Variants in DCC observed in about 807,000 individuals in gnomAD.
The protein encoded by DCC is DCC netrin 1 receptor, also known as netrin receptor DCC.
DCC carries 58 observed loss-of-function variants against 172.5 expected under a neutral mutation model. The observed-to-expected ratio is 0.34, with a 90% CI of 0.27 to 0.42. The LOEUF (loss-of-function observed/expected upper bound fraction) is 0.42, where lower values mean the gene tolerates loss of function less well. DCC is among the 10% of genes least tolerant of loss of function. The probability of loss-of-function intolerance (pLI) is 1.00; values close to 1 mark genes in which losing one functional copy is unlikely to be tolerated. For missense variants in DCC, 1,740 were observed against 1,791.0 expected (o/e 0.97, Z 0.51); for synonymous variants, 709 against 644.5 (o/e 1.10, Z -1.52).
chr18:52,652,261 C>CA (rs2035147306), intron 1 of DCC, among the ~76,000 whole-genome samples: 1 of 152,096 alleles, frequency 6.6e-6, no homozygotes, highest in South Asian at 2.1e-4. Flanking sequence ...GGAACATGCC[C>CA]ATGGGCACTT....
intron 8 of DCC, among the ~76,000 whole-genome samples, chr18:53,176,350 C>G (rs1422610190): frequency 1.5e-5 from 2 of 136,484 alleles, no homozygotes; most frequent in African/African-American, 2.8e-5. Flanking sequence ...AACTAAAGAG[C>G]TTCTGCACAG....
At chr18:53,502,627 AT>A (rs1046695667) in intron 27 of DCC, among the ~76,000 whole-genome samples, 66 of 152,272 alleles carry the variant, frequency 4.3e-4, no homozygotes, top group African/African-American at 1.6e-3. Context: ...TTTAAAAAAA[AT>A]ACCTCAAATA....
At chr18:53,062,254 A>T (rs1266782507) in intron 5 of DCC, among the ~76,000 whole-genome samples, 7 of 152,098 alleles carry the variant, frequency 4.6e-5, no homozygotes, top group African/African-American at 1.7e-4. Context: ...CAAAGATTGG[A>T]CATTAGCTTT....
chr18:53,252,081 G>A (rs1334742867), intron 12 of DCC, among the ~76,000 whole-genome samples: 1 of 151,810 alleles, frequency 6.6e-6, no homozygotes, highest in African/African-American at 2.4e-5. Context: ...AATCAATCAA[G>A]ATAGGATCTA....
At chr18:52,957,645 G>A (rs188870569) in intron 5 of DCC, among the ~76,000 whole-genome samples, 2 of 152,232 alleles carry the variant, frequency 1.3e-5, no homozygotes, top group Admixed American at 1.3e-4. Flanking sequence ...AACAGAGGAA[G>A]GCTCTCTCAC....
chr18:53,236,127 T>G (rs1447963921), intron 12 of DCC, among the ~76,000 whole-genome samples: 1 of 152,112 alleles, frequency 6.6e-6, no homozygotes, highest in African/African-American at 2.4e-5. Context: ...AATCAGAATT[T>G]AGATGTATGT....
chr18:52,610,415 A>G (rs1186795128), intron 1 of DCC, among the ~76,000 whole-genome samples: 1 of 141,728 alleles, frequency 7.1e-6, no homozygotes, highest in East Asian at 2.0e-4. Context: ...AAAGAAAAAG[A>G]AAAAGAAAAA....
intron 8 of DCC, among the ~76,000 whole-genome samples, chr18:53,174,358 A>G (rs1212629761): frequency 6.6e-6 from 1 of 151,526 alleles, no homozygotes; most frequent in East Asian, 1.9e-4. Context: ...ATAGAGACAC[A>G]AAAAACCCTT....
chr18:52,998,641 T>C (rs1428745042), intron 5 of DCC, among the ~76,000 whole-genome samples: 1 of 152,070 alleles, frequency 6.6e-6, no homozygotes, highest in African/African-American at 2.4e-5. Context: ...GACCAATGTT[T>C]GAGCAACTTT....
rs186693965 is a variant in DCC, at chr18:53,104,162, G to C, written c.1261+37996G>C. Among the ~76,000 whole-genome samples, 3 of 152,066 alleles carry C rather than the reference G, an allele frequency of 2.0e-5. No homozygotes were observed. In the East Asian group the frequency reaches 5.8e-4, roughly 30 times the overall value. On this transcript the variant is annotated intron_variant, in intron 7 of 28. Coordinates refer to ENST00000442544, the MANE Select transcript of DCC (RefSeq NM_005215.4). ...CAGTGATCTAGAACAGATGGCTCTT[G>C]CATTCTATAACAGTTATAGAGCTTT... is the stretch of plus-strand genomic sequence containing the variant.
At chr18:52,811,379 T>A (rs1358753118) in intron 2 of DCC, among the ~76,000 whole-genome samples, 1 of 152,216 alleles carries the variant, frequency 6.6e-6, no homozygotes, top group Non-Finnish European at 1.5e-5. Flanking sequence ...GCTAATTACT[T>A]TTAAAATGTG....
At chr18:53,150,982 G>A (rs1419112566) in intron 7 of DCC, among the ~76,000 whole-genome samples, 1 of 152,294 alleles carries the variant, frequency 6.6e-6, no homozygotes, top group Non-Finnish European at 1.5e-5. Context: ...GGAGGTGGCA[G>A]CAAATGCATC....
chr18:53,384,228 G>A (rs541005762), intron 15 of DCC, among the ~76,000 whole-genome samples: 1 of 152,080 alleles, frequency 6.6e-6, no homozygotes, highest in South Asian at 2.1e-4. Flanking sequence ...GTTAATTTTT[G>A]TTGACTATAA....
intron 2 of DCC, among the ~76,000 whole-genome samples, chr18:52,869,886 G>A (rs1598884127): frequency 6.6e-6 from 1 of 152,208 alleles, no homozygotes; most frequent in African/African-American, 2.4e-5. Context: ...GGTAAAGGCG[G>A]CCTTCTCAGG....
chr18:52,873,343 A>G (rs753647158), intron 2 of DCC, among the ~76,000 whole-genome samples: 25 of 152,230 alleles, frequency 1.6e-4, no homozygotes, highest in East Asian at 5.8e-4. Context: ...AGGCTCAGGC[A>G]TTATCCCAGC....
At chr18:52,493,306 C>G (rs1266415027) in intron 1 of DCC, among the ~76,000 whole-genome samples, 3 of 151,888 alleles carry the variant, frequency 2.0e-5, no homozygotes, top group Non-Finnish European at 2.9e-5. Flanking sequence ...TGACCAGAGT[C>G]AAAGAAGTCT....
At chr18:52,616,398 A>T (rs2034383156) in intron 1 of DCC, among the ~76,000 whole-genome samples, 1 of 152,186 alleles carries the variant, frequency 6.6e-6, no homozygotes, top group African/African-American at 2.4e-5. Flanking sequence ...TTACAATTCA[A>T]AGTGACTAGA....
rs1033102782 is a variant in DCC at position 52,752,212 on chromosome 18, G to A, written c.250G>A (p.Gly84Arg). 2 of 1,614,034 alleles carry A rather than the reference G, an allele frequency of 1.2e-6. No homozygotes were observed. Among genetic ancestry groups the A allele is most frequent in the Admixed American group, 3.3e-5 (2 of 60,006 alleles). ...GAAAGATGGCATTCATCTGGCCTTG[G>A]GAATGGATGAAAGGAAGCAGCAACT... ...WKKDGIHLAL[G>R]MDERKQQLSN... Residue 84 changes from glycine to arginine, a missense_variant, in exon 2 of 29, where the codon GGA (glycine) becomes AGA (arginine). By Grantham distance (125) the Gly-to-Arg change is moderately radical (BLOSUM62 -2). Transcript: ENST00000442544.
chr18:52,423,625 C>G (rs1987325145), intron 1 of DCC, among the ~76,000 whole-genome samples: 1 of 151,878 alleles, frequency 6.6e-6, no homozygotes, highest in Non-Finnish European at 1.5e-5. Flanking sequence ...CAAAAAATGA[C>G]AATTGGTTTC....
Sources: gnomAD v4.1 joint callset for allele counts (sites outside exome capture counted in the v4.1 genomes callset) on GRCh38, gnomAD v4.1.1 for gene constraint, MANE v1.5 for transcripts, NCBI Gene and HGNC (gene_info 2026-07-23, HGNC 2026-07-21) for gene names.